ZFAT: variants seen among roughly 807,000 people sequenced by gnomAD.
ZFAT encodes zinc finger protein ZFAT.
ZFAT carries 64 observed loss-of-function variants against 117.7 expected under a neutral mutation model. The observed-to-expected ratio is 0.54, with a 90% confidence interval of 0.44 to 0.67. The LOEUF (loss-of-function observed/expected upper bound fraction) is 0.67, where lower values mean the gene tolerates loss of function less well. Ranked by LOEUF, ZFAT falls within the 30% of genes least tolerant of loss-of-function variation. ZFAT has a pLI of 0.00. For synonymous variants in ZFAT, 679 were observed against 615.0 expected (o/e 1.10, Z -1.54); for missense variants, 1,433 against 1,584.5 (o/e 0.90, Z 1.62).
upstream of ZFAT, among the ~76,000 whole-genome samples, chr8:134,715,524 A>G (rs946688324): frequency 3.3e-5 from 5 of 152,242 alleles, no homozygotes; most frequent in East Asian, 3.8e-4. Flanking sequence ...CGGCCTTACT[A>G]TGTGATTTGC....
chr8:134,525,348 C>T (rs1820948678), intron 12 of ZFAT, among the ~76,000 whole-genome samples: 1 of 152,196 alleles, frequency 6.6e-6, no homozygotes, highest in Non-Finnish European at 1.5e-5. Flanking sequence ...GAACAAACCA[C>T]TAAGATGCTT....
the ZFAT span, among the ~76,000 whole-genome samples, chr8:134,747,070 A>C: frequency 6.6e-6 from 1 of 152,118 alleles, no homozygotes; most frequent in Non-Finnish European, 1.5e-5. Flanking sequence ...TGTTCCTGGA[A>C]TATGCCTTTT....
At chr8:134,678,158 GTC>G (rs1273551329) in intron 1 of ZFAT, among the ~76,000 whole-genome samples, 2 of 152,156 alleles carry the variant, frequency 1.3e-5, no homozygotes, top group African/African-American at 4.8e-5. Context: ...AAGTCAAATT[GTC>G]TCTGTTTGCA....
chr8:134,646,218 A>AC (rs1830884011), intron 2 of ZFAT, among the ~76,000 whole-genome samples: 1 of 152,220 alleles, frequency 6.6e-6, no homozygotes, highest in Non-Finnish European at 1.5e-5. Context: ...CAAAGAAAAA[A>AC]GAATGGAAAT....
the ZFAT span, among the ~76,000 whole-genome samples, chr8:134,773,160 A>G: frequency 6.6e-6 from 1 of 152,046 alleles, no homozygotes; most frequent in African/African-American, 2.4e-5. Context: ...TGAGTCTCTC[A>G]TTAGGGACTA....
At chr8:134,597,204 A>G (rs1262281066) in intron 7 of ZFAT, among the ~76,000 whole-genome samples, 1 of 149,874 alleles carries the variant, frequency 6.7e-6, no homozygotes, top group Non-Finnish European at 1.5e-5. Flanking sequence ...TTTTTTTTGT[A>G]CTGCGTCAAC....
chr8:134,551,959 T>C (rs536002936), intron 11 of ZFAT, among the ~76,000 whole-genome samples: 8 of 152,340 alleles, frequency 5.3e-5, no homozygotes, highest in African/African-American at 1.7e-4. Context: ...GCTTTCTGGT[T>C]GCAACGGGTT....
In ZFAT at chr8:134,608,837, G is replaced by A; in HGVS notation, c.677C>T (p.Thr226Ile). 1 of 1,610,204 alleles carries A rather than the reference G, an allele frequency of 6.2e-7. No individual in the cohort carries two copies. The highest frequency in any genetic ancestry group is 8.5e-7 in the Non-Finnish European group (1 of 1,178,544). ...IVPVEAGPPETGATNSETTSA... is the reference protein window; with the variant it reads ...IVPVEAGPPEIGATNSETTSA... ...AGTGGTCTCAGAATTTGTAGCTCCT[G>A]TTTCAGGGGGCCCAGCCTCCACTGG... Residue 226 changes from threonine (T) to isoleucine (I), a missense_variant, in exon 5 of 16, where the codon ACA becomes ATA. Thr to Ile is a moderately conservative substitution (Grantham distance 89). Transcript: ENST00000377838.
At chr8:134,574,974 T>C (rs1041556841) in intron 10 of ZFAT, among the ~76,000 whole-genome samples, 4 of 151,800 alleles carry the variant, frequency 2.6e-5, no homozygotes, top group Non-Finnish European at 5.9e-5. Context: ...GCCTTCCTAA[T>C]AGGAGAATAT....
At chr8:134,619,671 C>T (rs1828979753) in intron 3 of ZFAT, among the ~76,000 whole-genome samples, 1 of 152,204 alleles carries the variant, frequency 6.6e-6, no homozygotes, top group African/African-American at 2.4e-5. Flanking sequence ...GGGCCTCCAA[C>T]CTCACACAGT....
intron 15 of ZFAT, among the ~76,000 whole-genome samples, chr8:134,495,886 C>T (rs777262164): frequency 6.6e-5 from 10 of 152,132 alleles, no homozygotes; most frequent in South Asian, 2.1e-4. Flanking sequence ...GCCATAATCA[C>T]GCCACTGTAC....
At chr8:134,786,421 C>T in the ZFAT span, among the ~76,000 whole-genome samples, 112 of 152,258 alleles carry the variant, frequency 7.4e-4, 1 homozygote, top group African/African-American at 2.6e-3. Context: ...TACGTTTATT[C>T]ATCTATTAAG....
chr8:134,722,740 T>C, the ZFAT span, among the ~76,000 whole-genome samples: 1 of 152,218 alleles, frequency 6.6e-6, no homozygotes, highest in Admixed American at 6.5e-5. Flanking sequence ...CAAAGGACAC[T>C]GTCCTCGACC....
At chr8:134,645,768 T>A (rs1283270899) in intron 2 of ZFAT, among the ~76,000 whole-genome samples, 1 of 152,196 alleles carries the variant, frequency 6.6e-6, no homozygotes, top group African/African-American at 2.4e-5. Context: ...TAGATGTGAA[T>A]AACCCTATAA....
intron 10 of ZFAT, among the ~76,000 whole-genome samples, chr8:134,567,594 C>G (rs112627444): frequency 6.6e-6 from 1 of 152,268 alleles, no homozygotes; most frequent in African/African-American, 2.4e-5. Context: ...GTCTAGCCAT[C>G]AGAACCAACC....
At chr8:134,541,239 G>A (rs1431660866) in intron 11 of ZFAT, among the ~76,000 whole-genome samples, 1 of 152,160 alleles carries the variant, frequency 6.6e-6, no homozygotes, top group Non-Finnish European at 1.5e-5. Flanking sequence ...TGAATTATGA[G>A]GTCTCTGCCC....
At chr8:134,520,776 A>T (rs969493053) in intron 13 of ZFAT, 107 bp downstream of exon 13, 1 of 852,766 alleles carries the variant, frequency 1.2e-6, no homozygotes, top group Non-Finnish European at 1.8e-6. Flanking sequence ...CCAAACAGAA[A>T]ATCTAATGTT....
the ZFAT span, among the ~76,000 whole-genome samples, chr8:134,779,236 G>A: frequency 6.6e-6 from 1 of 151,630 alleles, no homozygotes; most frequent in Non-Finnish European, 1.5e-5. Flanking sequence ...AGGAGAATGA[G>A]TTTGAAAAAT....
At chr8:134,687,271 A>G (rs1436586891) in intron 1 of ZFAT, among the ~76,000 whole-genome samples, 1 of 152,248 alleles carries the variant, frequency 6.6e-6, no homozygotes, top group Non-Finnish European at 1.5e-5. Context: ...CGTGTTTATT[A>G]AAGGCAAGAG....
Sources: allele counts gnomAD v4.1 joint callset (sites outside exome capture counted in the v4.1 genomes callset), GRCh38; gene constraint gnomAD v4.1.1; transcripts MANE v1.5; gene names NCBI Gene and HGNC (gene_info 2026-07-23, HGNC 2026-07-21).